Variants in CATSPERE observed in about 807,000 individuals in gnomAD.
CATSPERE encodes the protein cation channel sperm-associated auxiliary subunit epsilon.
A neutral mutation model predicts 114.1 loss-of-function variants in CATSPERE; 93 were observed. The ratio of observed to expected loss-of-function variants is 0.81; its 90% CI spans 0.69 to 0.97. CATSPERE has a LOEUF of 0.97. Ranked by LOEUF, CATSPERE falls within the 50% of genes least tolerant of loss-of-function variation. CATSPERE has a pLI of 0.00. For missense variants in CATSPERE, 1,058 were observed against 1,131.6 expected (o/e 0.93, Z 0.93); for synonymous variants, 341 against 384.1 (o/e 0.89, Z 1.31).
intron 8 of CATSPERE, among the ~76,000 whole-genome samples, chr1:244,552,105 T>TAC (rs1660754143): frequency 7.7e-6 from 1 of 130,128 alleles, no homozygotes; most frequent in South Asian, 2.7e-4. Context: ...TACTTGAGAA[T>TAC]ACAGAGACAG....
chr1:244,532,981 GTC>G (rs60204548), intron 8 of CATSPERE, among the ~76,000 whole-genome samples: 2 of 151,614 alleles, frequency 1.3e-5, no homozygotes, highest in African/African-American at 4.9e-5. Context: ...TTGTATTGGG[GTC>G]TCTCTCTCTC....
intron 8 of CATSPERE, among the ~76,000 whole-genome samples, chr1:244,530,378 T>C (rs1679400965): frequency 6.6e-6 from 1 of 152,246 alleles, no homozygotes; most frequent in Non-Finnish European, 1.5e-5. Flanking sequence ...TTGGTCTATG[T>C]GTCTGTTTCT....
chr1:244,576,136 G>A (rs528358004), intron 11 of CATSPERE, among the ~76,000 whole-genome samples: 2 of 152,138 alleles, frequency 1.3e-5, no homozygotes, highest in East Asian at 2.0e-4. Context: ...CCTGGTCCAC[G>A]TGGTATGTGA....
At chr1:244,610,113 G>C (rs555841661) in intron 18 of CATSPERE, 127 bp from the exon 19 acceptor site, 16 of 621,748 alleles carry the variant, frequency 2.6e-5, no homozygotes, top group African/African-American at 2.2e-4. Flanking sequence ...CTGTATACCA[G>C]CCAACATTTA....
intron 17 of CATSPERE, among the ~76,000 whole-genome samples, chr1:244,594,613 GA>G (rs1218088304): frequency 6.6e-6 from 1 of 152,316 alleles, no homozygotes; most frequent in East Asian, 1.9e-4. Context: ...TAGACTGCTG[GA>G]AGTAAAATTC....
chr1:244,507,242 C>T (rs1263488797), intron 7 of CATSPERE, among the ~76,000 whole-genome samples: 2 of 152,112 alleles, frequency 1.3e-5, no homozygotes, highest in Non-Finnish European at 2.9e-5. Flanking sequence ...CCTTTGACAT[C>T]CTGATTTCAT....
At chr1:244,458,133 C>T (rs1327574527), upstream of CATSPERE, among the ~76,000 whole-genome samples, 2 of 152,020 alleles carry the variant, frequency 1.3e-5, no homozygotes, top group African/African-American at 4.8e-5. Flanking sequence ...AACAGGTGCT[C>T]TTAAATGCAG....
intron 10 of CATSPERE, among the ~76,000 whole-genome samples, chr1:244,562,542 C>T (rs1662737211): frequency 6.6e-6 from 1 of 152,126 alleles, no homozygotes; most frequent in South Asian, 2.1e-4. Flanking sequence ...ACAGTCTAAA[C>T]TCCCCCAAAA....
At chr1:244,514,311 A>G (rs756784046) in intron 7 of CATSPERE, among the ~76,000 whole-genome samples, 7 of 152,346 alleles carry the variant, frequency 4.6e-5, no homozygotes, top group African/African-American at 1.7e-4. Flanking sequence ...TGAATACTGT[A>G]TGATTCCATT....
At chr1:244,557,532 C>CATATAT (rs61291602) in intron 9 of CATSPERE, among the ~76,000 whole-genome samples, 822 of 40,286 alleles carry the variant, frequency 0.02, 85 homozygotes, top group Non-Finnish European at 0.031. Flanking sequence ...TTGAAATATT[C>CATATAT]ATATATATAT....
chr1:244,551,118 T>A (rs1209296470), intron 8 of CATSPERE, among the ~76,000 whole-genome samples: 8 of 152,184 alleles, frequency 5.3e-5, no homozygotes, highest in African/African-American at 1.9e-4. Flanking sequence ...GAAAATGCCC[T>A]CCCCCTAACC....
At chr1:244,461,545 C>A in intron 1 of CATSPERE, 51 bp downstream of exon 1, 1 of 1,252,004 alleles carries the variant, frequency 8.0e-7, no homozygotes, top group South Asian at 3.3e-5. Flanking sequence ...TTACCCCCGG[C>A]GGGGCAGGCG....
intron 2 of CATSPERE, among the ~76,000 whole-genome samples, chr1:244,466,440 A>G (rs1353040038): frequency 6.6e-6 from 1 of 152,114 alleles, no homozygotes; most frequent in African/African-American, 2.4e-5. Flanking sequence ...ACTCTTCCAT[A>G]TTTCCAGATG....
At chr1:244,626,393 G>C (rs927590481) in intron 20 of CATSPERE, among the ~76,000 whole-genome samples, 1 of 150,652 alleles carries the variant, frequency 6.6e-6, no homozygotes, top group African/African-American at 2.5e-5. Context: ...GCTGAGGCAG[G>C]AGACTCGCTT....
At chr1:244,603,137 C>A (rs1020635899) in intron 17 of CATSPERE, among the ~76,000 whole-genome samples, 1 of 152,016 alleles carries the variant, frequency 6.6e-6, no homozygotes, top group Admixed American at 6.6e-5. Context: ...TAGCCCAGGG[C>A]TACTAATAAA....
At chr1:244,548,417 T>C (rs1048522630) in intron 8 of CATSPERE, among the ~76,000 whole-genome samples, 2 of 152,232 alleles carry the variant, frequency 1.3e-5, no homozygotes, top group Admixed American at 6.5e-5. Context: ...TCATTCTGTG[T>C]GGTGATTAGC....
At position 244,583,904 on chromosome 1, in the gene CATSPERE, A is replaced by G. The variant is rs1214014776; in HGVS notation, c.2050A>G (p.Ser684Gly). Reference sequence around the variant, plus strand: ...TCTTGTGCTGGTTCAGTTTCGACCTAGTGAATATTCAAAAGCATGTCCAAT... The same window carrying G: ...TCTTGTGCTGGTTCAGTTTCGACCTGGTGAATATTCAAAAGCATGTCCAAT... Reference protein sequence around the residue: ...TGLVLVQFRPSEYSKACPIAQ... With the variant: ...TGLVLVQFRPGEYSKACPIAQ... The change falls in exon 13 of 22, where the codon AGT becomes GGT. Residue 684 changes from serine to glycine, a missense_variant. Coordinates refer to ENST00000366534, the MANE Select transcript of CATSPERE (RefSeq NM_001130957.2). 2 of 1,614,138 alleles carry G rather than the reference A, an allele frequency of 1.2e-6. No homozygotes were observed. The highest frequency in any genetic ancestry group is 4.5e-5 in the East Asian group (2 of 44,886).
At chr1:244,605,868 A>G in intron 18 of CATSPERE, 74 bp downstream of exon 18, 1 of 1,031,114 alleles carries the variant, frequency 9.7e-7, no homozygotes, top group Non-Finnish European at 1.4e-6. Context: ...ATTTATAAAT[A>G]AGCGATCTAA....
At chr1:244,550,881 G>A (rs112718413) in intron 8 of CATSPERE, among the ~76,000 whole-genome samples, 148 of 152,304 alleles carry the variant, frequency 9.7e-4, no homozygotes, top group African/African-American at 3.5e-3. Flanking sequence ...TTGTCCAGCT[G>A]AGAAACTCTG....
Sources: gnomAD v4.1 joint callset for allele counts (sites outside exome capture counted in the v4.1 genomes callset) on GRCh38, gnomAD v4.1.1 for gene constraint, MANE v1.5 for transcripts, NCBI Gene and HGNC (gene_info 2026-07-23, HGNC 2026-07-21) for gene names.